The following MECOM variants were observed in gnomAD, a reference collection of about 807,000 sequenced individuals.
MECOM encodes MDS1 and EVI1 complex locus, also known as histone-lysine N-methyltransferase MECOM.
MECOM carries 13 observed loss-of-function variants against 116.3 expected under a neutral mutation model. The observed-to-expected ratio is 0.11, with a 90% CI of 0.07 to 0.18. The LOEUF is 0.18. Ranked by LOEUF, MECOM falls within the 10% of genes least tolerant of loss-of-function variation. The pLI, the probability that MECOM is intolerant of heterozygous loss-of-function variation, is 1.00. For missense variants in MECOM, 1,299 were observed against 1,509.0 expected, an observed-to-expected ratio of 0.86 and a Z score of 2.31; for synonymous variants, 528 against 535.2, an observed-to-expected ratio of 0.99 and a Z score of 0.19.
rs749153371 is a variant in MECOM, at chr3:169,115,645, C to A, written c.2227G>T (p.Asp743Tyr). The change falls in exon 8 of 17, where the codon GAT becomes TAT. Residue 743 changes from aspartate to tyrosine, a missense_variant. Physicochemically the swap from Asp to Tyr is radical, Grantham distance 160 (BLOSUM62 -3). Around this residue, in one of 6 missense-constraint regions of MECOM, gnomAD observed 340 missense variants for 312.6 expected, o/e 1.09. Transcript: ENST00000651503. ...LQKGSSESPFDLTTKRKDEKP... is the reference protein window; with the variant it reads ...LQKGSSESPFYLTTKRKDEKP... ...TCATCCTTTCGCTTAGTGGTGAGAT[C>A]AAAGGGGGACTCAGAGCTGCCCTTC... 6.2e-7 allele frequency: 1 copy of A among 1,614,072 alleles called. No homozygotes were observed. Among genetic ancestry groups the A allele is most frequent in the South Asian group, 1.1e-5 (1 of 91,072 alleles).
chr3:169,522,108 T>C (rs769097955), intron 1 of MECOM, among the ~76,000 whole-genome samples: 3 of 152,208 alleles, frequency 2.0e-5, no homozygotes, highest in Non-Finnish European at 4.4e-5. Flanking sequence ...ACTGTATACA[T>C]GTTTTTGAAC....
chr3:169,152,604 G>T (rs2149328736), intron 2 of MECOM, among the ~76,000 whole-genome samples: 1 of 152,296 alleles, frequency 6.6e-6, no homozygotes, highest in African/African-American at 2.4e-5. Context: ...AGTCTGGCTT[G>T]CCAGGACTGC....
chr3:169,605,704 C>T (rs1281742977), intron 1 of MECOM, among the ~76,000 whole-genome samples: 1 of 152,176 alleles, frequency 6.6e-6, no homozygotes, highest in Non-Finnish European at 1.5e-5. Flanking sequence ...CCTGAGTTGC[C>T]TATAGGCTAA....
chr3:169,297,334 T>C (rs1715807453), intron 2 of MECOM, among the ~76,000 whole-genome samples: 1 of 152,234 alleles, frequency 6.6e-6, no homozygotes, highest in African/African-American at 2.4e-5. Context: ...ACTCCTGAGG[T>C]AAAGGAACAC....
chr3:169,480,575 T>A (rs1281571593), intron 1 of MECOM, among the ~76,000 whole-genome samples: 1 of 152,188 alleles, frequency 6.6e-6, no homozygotes, highest in Non-Finnish European at 1.5e-5. Context: ...GCCTTTTATA[T>A]CACCAGCCAT....
chr3:169,416,249 A>G (rs1053228730), intron 1 of MECOM, among the ~76,000 whole-genome samples: 2 of 152,220 alleles, frequency 1.3e-5, no homozygotes, highest in Non-Finnish European at 2.9e-5. Flanking sequence ...CTAAATGGAA[A>G]CTGAACAACA....
At chr3:169,191,002 G>T (rs1174431191) in intron 2 of MECOM, among the ~76,000 whole-genome samples, 3 of 151,910 alleles carry the variant, frequency 2.0e-5, no homozygotes, top group Admixed American at 6.6e-5. Context: ...GCTGGCATTT[G>T]GTGCACTGTT....
intron 2 of MECOM, among the ~76,000 whole-genome samples, chr3:169,193,997 C>G (rs558693735): frequency 6.6e-6 from 1 of 151,950 alleles, no homozygotes; most frequent in Non-Finnish European, 1.5e-5. Flanking sequence ...AATACTAATA[C>G]TGTAATGACA....
intron 6 of MECOM, among the ~76,000 whole-genome samples, chr3:169,122,069 T>C (rs1731217152): frequency 6.6e-6 from 1 of 152,218 alleles, no homozygotes; most frequent in Non-Finnish European, 1.5e-5. Flanking sequence ...ATCATCCCTA[T>C]GTTGTTCAGC....
intron 10 of MECOM, among the ~76,000 whole-genome samples, chr3:169,102,749 G>C (rs1187741487): frequency 6.6e-6 from 1 of 152,042 alleles, no homozygotes; most frequent in African/African-American, 2.4e-5. Flanking sequence ...AAAACTAAAT[G>C]TATAGGAGGG....
intron 1 of MECOM, among the ~76,000 whole-genome samples, chr3:169,621,147 T>C (rs537152108): frequency 6.6e-6 from 1 of 152,330 alleles, no homozygotes; most frequent in Admixed American, 6.5e-5. Flanking sequence ...AGATAAAAAT[T>C]GTCTGGTATA....
chr3:169,401,694 C>T (rs1273882), intron 1 of MECOM, among the ~76,000 whole-genome samples: 6,464 of 151,958 alleles, frequency 0.043, 202 homozygotes, highest in South Asian at 0.075. Flanking sequence ...GAAGGTGTTT[C>T]CCAGAGAAAA....
intron 1 of MECOM, among the ~76,000 whole-genome samples, chr3:169,386,460 T>C (rs1733331237): frequency 6.6e-6 from 1 of 152,206 alleles, no homozygotes; most frequent in Non-Finnish European, 1.5e-5. Flanking sequence ...TGTTTTAAAG[T>C]TTGTTTGTTT....
intron 1 of MECOM, among the ~76,000 whole-genome samples, chr3:169,606,185 G>A (rs1017345526): frequency 6.6e-6 from 1 of 152,312 alleles, no homozygotes; most frequent in South Asian, 2.1e-4. Flanking sequence ...GCTGAGGCGG[G>A]TGTATCATCT....
intron 2 of MECOM, among the ~76,000 whole-genome samples, chr3:169,233,262 T>C (rs1441980575): frequency 1.3e-5 from 2 of 152,080 alleles, no homozygotes; most frequent in Non-Finnish European, 2.9e-5. Context: ...ATCCTAGCTA[T>C]CTTATTTGAT....
chr3:169,663,167 C>A (rs1776555557), intron 1 of MECOM, among the ~76,000 whole-genome samples, 169 bp downstream of exon 1: 1 of 151,692 alleles, frequency 6.6e-6, no homozygotes, highest in Admixed American at 6.6e-5. Context: ...CGCGGGCGAC[C>A]GGGAGCAGAG....
chr3:169,379,515 T>C (rs971515905), intron 2 of MECOM, among the ~76,000 whole-genome samples: 1 of 134,424 alleles, frequency 7.4e-6, no homozygotes, highest in Non-Finnish European at 1.6e-5. Context: ...CCAGTGTATA[T>C]GTGGAAGACA....
At chr3:169,356,590 C>T (rs1727324740) in intron 2 of MECOM, among the ~76,000 whole-genome samples, 1 of 151,820 alleles carries the variant, frequency 6.6e-6, no homozygotes, top group Non-Finnish European at 1.5e-5. Flanking sequence ...TCTGACATGT[C>T]ATCTGAATTT....
chr3:169,618,502 A>T (rs1770292660), intron 1 of MECOM, among the ~76,000 whole-genome samples: 1 of 152,038 alleles, frequency 6.6e-6, no homozygotes, highest in African/African-American at 2.4e-5. Flanking sequence ...CTAAAAACAC[A>T]AAAAATTAGC....
Sources: allele counts gnomAD v4.1 joint callset (sites outside exome capture counted in the v4.1 genomes callset), GRCh38; gene constraint gnomAD v4.1.1; regional missense constraint gnomAD v4.1.1; transcripts MANE v1.5; gene names NCBI Gene and HGNC (gene_info 2026-07-23, HGNC 2026-07-21).